The following STARD13 variants were observed in gnomAD, a reference collection of about 807,000 sequenced individuals.
The protein encoded by STARD13 is stAR-related lipid transfer protein 13.
STARD13 carries 62 observed loss-of-function variants against 106.4 expected under a neutral mutation model. That is an observed-to-expected ratio of 0.58 (90% CI 0.48 to 0.72). The LOEUF (loss-of-function observed/expected upper bound fraction) is 0.72, where lower values mean the gene tolerates loss of function less well. STARD13 is among the 30% of genes least tolerant of loss of function. STARD13 has a pLI of 0.00. For synonymous variants in STARD13, 565 were observed against 553.0 expected (o/e 1.02, Z -0.31); for missense variants, 1,387 against 1,424.0 (o/e 0.97, Z 0.42).
chr13:33,543,114 C>T, the STARD13 span, among the ~76,000 whole-genome samples: 2 of 152,172 alleles, frequency 1.3e-5, no homozygotes, highest in African/African-American at 4.8e-5. Flanking sequence ...CTTCCTTATG[C>T]GTTGTTGCTG....
chr13:33,274,331 C>G (rs557671963), intron 1 of STARD13, among the ~76,000 whole-genome samples: 26 of 152,212 alleles, frequency 1.7e-4, no homozygotes, highest in Admixed American at 5.9e-4. Context: ...GACACAGACA[C>G]ACACAGAAGG....
At chr13:33,117,035 G>T (rs1875475957) in intron 8 of STARD13, among the ~76,000 whole-genome samples, 1 of 152,162 alleles carries the variant, frequency 6.6e-6, no homozygotes, top group Non-Finnish European at 1.5e-5. Flanking sequence ...TTTCCCCCAT[G>T]AATTGGGATC....
At chr13:33,423,392 A>G in the STARD13 span, among the ~76,000 whole-genome samples, 1 of 152,238 alleles carries the variant, frequency 6.6e-6, no homozygotes, top group African/African-American at 2.4e-5. Flanking sequence ...AACCACAATG[A>G]GATACCATCT....
At chr13:33,202,968 A>G (rs1489705885) in intron 1 of STARD13, among the ~76,000 whole-genome samples, 1 of 152,222 alleles carries the variant, frequency 6.6e-6, no homozygotes, top group Non-Finnish European at 1.5e-5. Context: ...GAAAGGGAAG[A>G]AAGGAATATT....
intron 1 of STARD13, chr13:33,277,651 A>G (rs1156265934): frequency 6.6e-6 from 1 of 152,142 alleles, no homozygotes; most frequent in Non-Finnish European, 1.5e-5. Context: ...AGCTACATTA[A>G]TGTTAGAACC....
chr13:33,623,730 G>T, the STARD13 span, among the ~76,000 whole-genome samples: 3 of 150,656 alleles, frequency 2.0e-5, no homozygotes, highest in East Asian at 5.8e-4. Context: ...TTACATCTAC[G>T]TATTTAATTA....
At chr13:33,365,086 A>T in the STARD13 span, among the ~76,000 whole-genome samples, 1 of 59,002 alleles carries the variant, frequency 1.7e-5, no homozygotes, top group Admixed American at 1.7e-4. Flanking sequence ...TCAGCTGGGC[A>T]CCTTCCACAC....
the STARD13 span, among the ~76,000 whole-genome samples, chr13:33,448,461 A>T: frequency 2.0e-5 from 3 of 152,136 alleles, no homozygotes; most frequent in Non-Finnish European, 4.4e-5. Flanking sequence ...GCTGAATAGT[A>T]TTCCATTGTG....
intron 1 of STARD13, among the ~76,000 whole-genome samples, chr13:33,223,564 C>T (rs1211622513): frequency 2.0e-5 from 3 of 152,070 alleles, no homozygotes; most frequent in Non-Finnish European, 2.9e-5. Flanking sequence ...GAGGCTGAGG[C>T]AGGAGAATTG....
intron 3 of STARD13, among the ~76,000 whole-genome samples, chr13:33,157,213 T>C (rs974558352): frequency 6.6e-6 from 1 of 152,212 alleles, no homozygotes; most frequent in African/African-American, 2.4e-5. Context: ...ATTATCCTTT[T>C]AAATACTAAG....
chr13:33,647,367 A>G, the STARD13 span, among the ~76,000 whole-genome samples: 95 of 152,314 alleles, frequency 6.2e-4, no homozygotes, highest in Middle Eastern at 3.4e-3. Context: ...CATATATTTA[A>G]TATTTAGGGC....
At chr13:33,660,223 T>C in the STARD13 span, among the ~76,000 whole-genome samples, 1 of 152,232 alleles carries the variant, frequency 6.6e-6, no homozygotes, top group Non-Finnish European at 1.5e-5. Context: ...ATTCATGTTT[T>C]TTTATGTCAA....
At position 33,349,303 on chromosome 13, in the gene STARD13, C is replaced by G. The variant is rs999719356; in HGVS notation, c.125-87G>C. ...TTCCAATCATGCTTCCCCCAGTCCC[C>G]GAAGCATCTTCCAGCAGCCAACATG... On this transcript the variant is annotated intron_variant, in intron 1 of 1. Transcript: ENST00000439831. The G allele has an allele frequency of 1.4e-4, 95 of 696,512 alleles. 1 individual carries two copies. In the African/African-American group the frequency reaches 1.4e-3, roughly 11 times the overall value. 43.1% of individuals were successfully genotyped at this position (696,512 alleles called of 1,614,324 possible). A position where few individuals can be genotyped will look rare whatever the true frequency, so the allele number is the denominator to read the frequency against.
the STARD13 span, among the ~76,000 whole-genome samples, chr13:33,639,588 C>T: frequency 6.6e-6 from 1 of 152,204 alleles, no homozygotes; most frequent in African/African-American, 2.4e-5. Flanking sequence ...TAGCCCAAAG[C>T]TGCCTCCTTA....
At chr13:33,618,767 G>A in the STARD13 span, among the ~76,000 whole-genome samples, 4 of 151,942 alleles carry the variant, frequency 2.6e-5, no homozygotes, top group African/African-American at 4.8e-5. Flanking sequence ...TTGGGGGCAT[G>A]TTTTGAACTG....
At chr13:33,400,221 A>C in the STARD13 span, among the ~76,000 whole-genome samples, 1 of 152,214 alleles carries the variant, frequency 6.6e-6, no homozygotes, top group African/African-American at 2.4e-5. Context: ...GTTAGAGCAC[A>C]CAGTGTCTTC....
the STARD13 span, among the ~76,000 whole-genome samples, chr13:33,378,252 C>T: frequency 6.6e-6 from 1 of 152,202 alleles, no homozygotes; most frequent in Non-Finnish European, 1.5e-5. Context: ...TGAGACTCCA[C>T]TCCCAAGGCC....
intron 1 of STARD13, among the ~76,000 whole-genome samples, chr13:33,262,662 A>ACAAACACAC (rs5802678): frequency 1.7e-5 from 2 of 114,900 alleles, no homozygotes; most frequent in African/African-American, 3.3e-5. Flanking sequence ...ACACACACAC[A>ACAAACACAC]ACACACACAC....
At chr13:33,568,030 T>C in the STARD13 span, among the ~76,000 whole-genome samples, 1 of 123,154 alleles carries the variant, frequency 8.1e-6, no homozygotes, top group African/African-American at 3.1e-5. Context: ...ATTTAGGGAT[T>C]TTTTTTTCTA....
Sources: allele counts gnomAD v4.1 joint callset (sites outside exome capture counted in the v4.1 genomes callset), GRCh38; gene constraint gnomAD v4.1.1; transcripts MANE v1.5; gene names NCBI Gene and HGNC (gene_info 2026-07-23, HGNC 2026-07-21).